SLC18B1: variants seen among roughly 807,000 people sequenced by gnomAD.
The protein encoded by SLC18B1 is solute carrier family 18 member B1, also known as MFS-type transporter SLC18B1.
SLC18B1 carries 62 observed loss-of-function variants against 53.9 expected under a neutral mutation model. The observed-to-expected ratio is 1.15, with a 90% CI of 0.94 to 1.42. The LOEUF is 1.42. SLC18B1 is among the 40% of genes most tolerant of loss of function. The pLI is 0.00. For missense variants in SLC18B1, 598 were observed against 547.3 expected (o/e 1.09, Z -0.93); for synonymous variants, 217 against 200.9 (o/e 1.08, Z -0.68).
chr6:132,787,603 C>A, intron 4 of SLC18B1, 22 bp from the exon 5 acceptor site: 1 of 1,507,984 alleles, frequency 6.6e-7, no homozygotes, highest in South Asian at 1.3e-5. Context: ...TAAGACAATT[C>A]TGAAATGCCA....
At chr6:132,785,897 CAAAA>C (rs71545048) in intron 5 of SLC18B1, among the ~76,000 whole-genome samples, 2 of 81,164 alleles carry the variant, frequency 2.5e-5, no homozygotes, top group African/African-American at 8.8e-5. Flanking sequence ...CCTGTCTCTA[CAAAA>C]AAAAAAAAAA....
rs1325254057 is a variant in SLC18B1 at position 132,798,525 on chromosome 6, G to A, written c.-69C>T. 2 of 1,386,384 alleles carry A rather than the reference G, an allele frequency of 1.4e-6. No homozygotes were observed. Among genetic ancestry groups the A allele is most frequent in the Non-Finnish European group, 9.4e-7 (1 of 1,058,742 alleles). 85.9% of individuals were successfully genotyped at this position (1,386,384 alleles called of 1,614,324 possible). A position where few individuals can be genotyped will look rare whatever the true frequency, so the allele number is the denominator to read the frequency against. On this transcript the variant is annotated 5_prime_UTR_variant, in exon 1 of 14. Coordinates refer to ENST00000275227, the MANE Select transcript of SLC18B1 (RefSeq NM_052831.3). ...CACGTCCTTGGACTCGACCTCCAAG[G>A]AGCCACTGGCACTCTGGCGGGCGGC...
intron 2 of SLC18B1, among the ~76,000 whole-genome samples, chr6:132,790,656 T>C (rs1781498888): frequency 6.6e-6 from 1 of 152,186 alleles, no homozygotes; most frequent in Admixed American, 6.5e-5. Context: ...GTATCACATT[T>C]ATAGGAAACA....
intron 10 of SLC18B1, 102 bp downstream of exon 10, chr6:132,772,891 G>T: frequency 1.3e-6 from 1 of 756,508 alleles, no homozygotes. Flanking sequence ...TAACATTGGG[G>T]CAAAAATATC....
intron 6 of SLC18B1, among the ~76,000 whole-genome samples, chr6:132,779,648 G>A (rs1373011396): frequency 1.3e-5 from 2 of 152,178 alleles, no homozygotes; most frequent in East Asian, 3.9e-4. Flanking sequence ...CAGAGTGTGA[G>A]GAGAAGAAGG....
At chr6:132,791,721 G>T (rs1383168334) in intron 2 of SLC18B1, among the ~76,000 whole-genome samples, 1 of 152,012 alleles carries the variant, frequency 6.6e-6, no homozygotes, top group Non-Finnish European at 1.5e-5. Context: ...CATAATTCTT[G>T]GGCTTCATAA....
chr6:132,781,120 T>G lies in SLC18B1; in HGVS notation c.659-1716A>C, dbSNP rs550261940. 2.6e-5 allele frequency among the ~76,000 whole-genome samples: 4 copies of G among 152,268 alleles called. No homozygotes were observed. In the South Asian group the frequency reaches 8.3e-4, roughly 32 times the overall value. On this transcript the variant is annotated intron_variant, in intron 6 of 13. Transcript: ENST00000275227. ...TAATTGGTTACATTTATTGTGAAAG[T>G]AAGAAGTATTATGTATTTACGGTAA...
At chr6:132,792,278 AGAAAGGAAGAAAGGAAG>A (rs1781553049) in intron 2 of SLC18B1, among the ~76,000 whole-genome samples, 2 of 60,344 alleles carry the variant, frequency 3.3e-5, no homozygotes, top group African/African-American at 2.2e-4. Flanking sequence ...AAAGAAAGAA[AGAAAGGAAGAAAGGAAG>A]GAAGGAAGGA....
chr6:132,797,502 G>T (rs188580443), intron 1 of SLC18B1, among the ~76,000 whole-genome samples: 2,210 of 152,292 alleles, frequency 0.015, 49 homozygotes, highest in African/African-American at 0.05. Context: ...GGAGGCTGAG[G>T]CAGGAGAATG....
At chr6:132,784,377 T>TA (rs1212158062) in intron 5 of SLC18B1, among the ~76,000 whole-genome samples, 2 of 151,404 alleles carry the variant, frequency 1.3e-5, no homozygotes, top group African/African-American at 4.9e-5. Context: ...AAACTATGCA[T>TA]AAAAAAATCA....
At chr6:132,781,426 A>G (rs113118277) in intron 6 of SLC18B1, among the ~76,000 whole-genome samples, 3 of 151,974 alleles carry the variant, frequency 2.0e-5, no homozygotes, top group African/African-American at 7.3e-5. Context: ...CACTACTTAC[A>G]CAAAATCTAG....
intron 2 of SLC18B1, among the ~76,000 whole-genome samples, chr6:132,795,035 G>T (rs932019405): frequency 6.6e-6 from 1 of 151,888 alleles, no homozygotes; most frequent in East Asian, 1.9e-4. Context: ...GATTTAGCCT[G>T]AAAGTTCCTT....
chr6:132,791,528 C>T (rs1781524663), intron 2 of SLC18B1, among the ~76,000 whole-genome samples: 1 of 152,012 alleles, frequency 6.6e-6, no homozygotes, highest in Non-Finnish European at 1.5e-5. Context: ...ATACATTCCT[C>T]ATAGCGTCAT....
intron 2 of SLC18B1, among the ~76,000 whole-genome samples, chr6:132,796,227 T>C (rs1035911115): frequency 4.2e-5 from 6 of 143,068 alleles, no homozygotes; most frequent in Non-Finnish European, 7.7e-5. Flanking sequence ...TAGTGGCGGG[T>C]ACCTGTAGTC....
intron 11 of SLC18B1, among the ~76,000 whole-genome samples, chr6:132,771,550 AT>A (rs900241842): frequency 8.5e-5 from 13 of 152,214 alleles, no homozygotes; most frequent in Non-Finnish European, 1.9e-4. Context: ...AATCAGAGAC[AT>A]GTTTCTATTA....
At chr6:132,781,325 G>A (rs1270945699) in intron 6 of SLC18B1, among the ~76,000 whole-genome samples, 1 of 152,002 alleles carries the variant, frequency 6.6e-6, no homozygotes, top group Non-Finnish European at 1.5e-5. Context: ...CTCCCTGGCT[G>A]ACAAAGCCTG....
At chr6:132,773,285 G>C (rs1270066675) in intron 9 of SLC18B1, among the ~76,000 whole-genome samples, 197 bp from the exon 10 acceptor site, 1 of 136,104 alleles carries the variant, frequency 7.3e-6, no homozygotes, top group Non-Finnish European at 1.6e-5. Context: ...TTTGGGGGCG[G>C]GGGGGTGGGG....
At chr6:132,797,456 G>A (rs1373406496) in intron 1 of SLC18B1, among the ~76,000 whole-genome samples, 2 of 152,100 alleles carry the variant, frequency 1.3e-5, no homozygotes, top group Non-Finnish European at 2.9e-5. Flanking sequence ...AAAATTAGCC[G>A]GGCGTGGTGG....
chr6:132,785,508 C>A (rs557640956), intron 5 of SLC18B1, among the ~76,000 whole-genome samples: 25 of 152,244 alleles, frequency 1.6e-4, no homozygotes, highest in African/African-American at 6.0e-4. Context: ...CAAAAATATA[C>A]CATTAATAAC....
Sources: gnomAD v4.1 joint callset for allele counts (sites outside exome capture counted in the v4.1 genomes callset) on GRCh38, gnomAD v4.1.1 for gene constraint, MANE v1.5 for transcripts, NCBI Gene and HGNC (gene_info 2026-07-23, HGNC 2026-07-21) for gene names.